GARIN5B: variants seen among roughly 807,000 people sequenced by gnomAD.
The protein encoded by GARIN5B is Golgi-associated RAB2 interactor protein 5B.
chr19:55,362,072 C>T, the GARIN5B span, among the ~76,000 whole-genome samples: 1 of 151,312 alleles, frequency 6.6e-6, no homozygotes, highest in South Asian at 2.1e-4. Context: ...GAGTCCAGGC[C>T]CCCAGCATCT....
the GARIN5B span, chr19:55,362,337 C>T: frequency 6.4e-7 from 1 of 1,550,458 alleles, no homozygotes; most frequent in Non-Finnish European, 8.7e-7. Context: ...GGAGCCGGCT[C>T]CTGAAGCAGG....
the GARIN5B span, chr19:55,358,777 G>A: frequency 6.5e-7 from 1 of 1,549,482 alleles, no homozygotes; most frequent in Admixed American, 2.0e-5. Context: ...GCTTGGTGAG[G>A]GTGAGCGCTT....
the GARIN5B span, chr19:55,362,512 G>A: frequency 2.0e-6 from 3 of 1,538,058 alleles, no homozygotes; most frequent in East Asian, 7.4e-5. Flanking sequence ...TCCTGGGAGA[G>A]GGAGAGGGGA....
chr19:55,358,109 A>T, the GARIN5B span: 1 of 1,420,308 alleles, frequency 7.0e-7, no homozygotes, highest in Admixed American at 3.1e-5. Context: ...TAAACAGCAG[A>T]GCTCACAGTA....
chr19:55,359,864 A>C, the GARIN5B span: 3 of 1,551,400 alleles, frequency 1.9e-6, no homozygotes, highest in Non-Finnish European at 2.6e-6. Flanking sequence ...GCACGGGTCC[A>C]GGGAGCTGCA....
At chr19:55,360,974 C>G in the GARIN5B span, 2 of 1,548,466 alleles carry the variant, frequency 1.3e-6, no homozygotes, top group East Asian at 2.5e-5. Context: ...CCCACCCACC[C>G]ACCGGCAACA....
chr19:55,359,442 G>T, the GARIN5B span: 3 of 1,549,198 alleles, frequency 1.9e-6, no homozygotes, highest in South Asian at 3.6e-5. Flanking sequence ...GATGGAGCAG[G>T]TATGGCTGGG....
the GARIN5B span, chr19:55,360,799 G>C: frequency 6.4e-7 from 1 of 1,551,322 alleles, no homozygotes. Context: ...GAGCCCTTTG[G>C]GGCAGGAACC....
chr19:55,355,484 G>A, the GARIN5B span: 1 of 762,762 alleles, frequency 1.3e-6, no homozygotes, highest in Non-Finnish European at 2.2e-6. Flanking sequence ...TTGGCTCACT[G>A]TTGTATCTGC....
chr19:55,355,263 G>A, the GARIN5B span: 1 of 1,539,642 alleles, frequency 6.5e-7, no homozygotes, highest in Admixed American at 2.0e-5. Context: ...AGGGTACCTG[G>A]CAGCGCTGGG....
At chr19:55,359,134 C>T in the GARIN5B span, 3 of 1,551,196 alleles carry the variant, frequency 1.9e-6, no homozygotes, top group Non-Finnish European at 2.6e-6. Flanking sequence ...ACTGGCTTCT[C>T]TCCAGCACGG....
At chr19:55,355,970 T>C in the GARIN5B span, among the ~76,000 whole-genome samples, 2 of 151,794 alleles carry the variant, frequency 1.3e-5, no homozygotes, top group Admixed American at 6.6e-5. Context: ...CTGGGCAACA[T>C]GTGAGACCTC....
At chr19:55,355,906 A>G in the GARIN5B span, among the ~76,000 whole-genome samples, 6 of 151,356 alleles carry the variant, frequency 4.0e-5, no homozygotes, top group Admixed American at 1.3e-4. Context: ...GAATCACCTG[A>G]GCCTGGGTAG....
At chr19:55,358,144 C>T in the GARIN5B span, 1 of 1,470,756 alleles carries the variant, frequency 6.8e-7, no homozygotes, top group South Asian at 1.4e-5. Flanking sequence ...ACCCCCGCTA[C>T]CTGGGCAGAA....
At chr19:55,359,679 G>A in the GARIN5B span, 3 of 1,551,550 alleles carry the variant, frequency 1.9e-6, no homozygotes, top group Non-Finnish European at 2.6e-6. Context: ...TGGCAGGGTG[G>A]TGGCCCCGGC....
the GARIN5B span, chr19:55,362,994 C>T: frequency 1.9e-5 from 28 of 1,484,830 alleles, no homozygotes; most frequent in African/African-American, 2.9e-5. Flanking sequence ...TTTTGCAGCT[C>T]CCCCAGAACA....
At chr19:55,359,722 C>A in the GARIN5B span, 1,773 of 1,551,456 alleles carry the variant, frequency 1.1e-3, 17 homozygotes, top group African/African-American at 0.022. Flanking sequence ...CGGCCTTTTC[C>A]CTGCCCCTGG....
At chr19:55,356,591 C>G in the GARIN5B span, among the ~76,000 whole-genome samples, 1 of 151,798 alleles carries the variant, frequency 6.6e-6, no homozygotes, top group Non-Finnish European at 1.5e-5. Flanking sequence ...CAGGTGTGAA[C>G]CACCAACTTT....
the GARIN5B span, chr19:55,358,290 T>A: frequency 1.3e-6 from 2 of 1,550,196 alleles, no homozygotes; most frequent in South Asian, 1.2e-5. Flanking sequence ...TGGGCTGGCA[T>A]CCTCATGGGC....
Sources: gnomAD v4.1 joint callset for allele counts (sites outside exome capture counted in the v4.1 genomes callset) on GRCh38, gnomAD v4.1.1 for gene constraint, MANE v1.5 for transcripts, NCBI Gene and HGNC (gene_info 2026-07-23, HGNC 2026-07-21) for gene names.